ANKIB1: variants seen among roughly 807,000 people sequenced by gnomAD.
ANKIB1 encodes ankyrin repeat and IBR domain containing 1, also known as ankyrin repeat and IBR domain-containing protein 1.
A neutral mutation model predicts 122.1 loss-of-function variants in ANKIB1; 43 were observed. That is an observed-to-expected ratio of 0.35 (90% CI 0.28 to 0.45). The LOEUF (loss-of-function observed/expected upper bound fraction) is 0.45, where lower values mean the gene tolerates loss of function less well. Ranked by LOEUF, ANKIB1 falls within the 20% of genes least tolerant of loss-of-function variation. The pLI is 1.00. For missense variants in ANKIB1, 992 were observed against 1,329.5 expected (o/e 0.75, Z 3.95); for synonymous variants, 390 against 442.0 (o/e 0.88, Z 1.48).
intron 5 of ANKIB1, among the ~76,000 whole-genome samples, chr7:92,338,825 T>C (rs1241917482): frequency 2.8e-5 from 4 of 143,242 alleles, no homozygotes; most frequent in Non-Finnish European, 6.0e-5. Flanking sequence ...GGCAGGAGAA[T>C]TGCTTGAACC....
rs374472099 is a variant in ANKIB1, at chr7:92,386,633, T to G, written c.1742T>G (p.Met581Arg). 3.8e-5 allele frequency: 61 copies of G among 1,601,602 alleles called. No homozygotes were observed. The South Asian group carries it at 6.6e-4, about 17-fold the overall frequency. ...IQHVEEQSKE[M>R]TVEAEKKHKR... Reference sequence around the variant, plus strand: ...CACGTGGAGGAGCAATCCAAGGAAATGACTGTGGAGGTAAAGAGAACCAAT... The same window carrying G: ...CACGTGGAGGAGCAATCCAAGGAAAGGACTGTGGAGGTAAAGAGAACCAAT... The change falls in exon 12 of 20, where the codon ATG becomes AGG. Residue 581 changes from methionine (M) to arginine (R), a missense_variant. Met to Arg is a moderately conservative substitution (Grantham distance 91). Coordinates refer to ENST00000265742, the MANE Select transcript of ANKIB1 (RefSeq NM_019004.2).
intron 1 of ANKIB1, among the ~76,000 whole-genome samples, chr7:92,290,900 G>A (rs1802231607): frequency 6.6e-6 from 1 of 152,102 alleles, no homozygotes; most frequent in African/African-American, 2.4e-5. Flanking sequence ...AGGGGAACTG[G>A]GGATGGTTGA....
intron 1 of ANKIB1, among the ~76,000 whole-genome samples, chr7:92,269,349 G>GA (rs1172413614): frequency 6.6e-6 from 1 of 152,218 alleles, no homozygotes; most frequent in Admixed American, 6.5e-5. Flanking sequence ...ACTTAAATTA[G>GA]AAAAAACAAG....
chr7:92,282,355 C>G (rs1192200496), intron 1 of ANKIB1, among the ~76,000 whole-genome samples: 1 of 151,980 alleles, frequency 6.6e-6, no homozygotes, highest in Non-Finnish European at 1.5e-5. Context: ...GGGTTTCACC[C>G]TGTTGCCCAG....
rs895962129 is a variant in ANKIB1 at position 92,354,969 on chromosome 7, G to A, written c.1397+2327G>A. 5.3e-5 allele frequency among the ~76,000 whole-genome samples: 8 copies of A among 152,222 alleles called. No homozygotes were observed. The South Asian group carries it at 1.7e-3, about 32-fold the overall frequency. ...GACAATAATAATTTCTTCTTTTCAA[G>A]AACTATATATGACAGAAACAGTTGA... On this transcript the variant is annotated intron_variant, in intron 9 of 19. Transcript: ENST00000265742.
At chr7:92,259,780 AG>A (rs1331407376) in intron 1 of ANKIB1, among the ~76,000 whole-genome samples, 1 of 152,114 alleles carries the variant, frequency 6.6e-6, no homozygotes, top group Admixed American at 6.5e-5. Flanking sequence ...TTCCTCTCTC[AG>A]TAGTGGTAAC....
chr7:92,308,171 A>G (rs966244749), intron 3 of ANKIB1, among the ~76,000 whole-genome samples: 1 of 152,154 alleles, frequency 6.6e-6, no homozygotes, highest in East Asian at 1.9e-4. Flanking sequence ...CGCCCAACCA[A>G]CGGCCTCTTT....
chr7:92,388,512 T>C (rs550295114), intron 14 of ANKIB1, among the ~76,000 whole-genome samples: 1 of 152,190 alleles, frequency 6.6e-6, no homozygotes, highest in Non-Finnish European at 1.5e-5. Flanking sequence ...ATAATGAACA[T>C]TGGGGTCAAA....
At chr7:92,252,863 G>C (rs1019288780) in intron 1 of ANKIB1, among the ~76,000 whole-genome samples, 1 of 151,460 alleles carries the variant, frequency 6.6e-6, no homozygotes, top group Non-Finnish European at 1.5e-5. Flanking sequence ...TCCAGGGCTA[G>C]AGCCCTGGAA....
At chr7:92,311,717 G>GCC (rs565443678) in intron 3 of ANKIB1, among the ~76,000 whole-genome samples, 37 of 146,750 alleles carry the variant, frequency 2.5e-4, no homozygotes, top group African/African-American at 7.0e-4. Flanking sequence ...TGTAATAAGC[G>GCC]CCCCCCCCAC....
chr7:92,246,208 C>G lies in ANKIB1; in HGVS notation c.-402C>G. Reference sequence around the variant, plus strand: ...AGGCGGAGGCAAGAGCCACCGCCCCCTCTTCCCCTCCCCCGAGTGAGGCGG... The same window carrying G: ...AGGCGGAGGCAAGAGCCACCGCCCCGTCTTCCCCTCCCCCGAGTGAGGCGG... On this transcript the variant is annotated 5_prime_UTR_variant, in exon 1 of 20. Transcript: ENST00000265742. 1 of 371,940 alleles carries G rather than the reference C, an allele frequency of 2.7e-6. No individual in the cohort carries two copies. Among genetic ancestry groups the G allele is most frequent in the South Asian group, 1.9e-5 (1 of 53,892 alleles). 23.0% of individuals were successfully genotyped at this position (371,940 alleles called of 1,614,324 possible).
At chr7:92,353,868 A>T (rs1273211983) in intron 9 of ANKIB1, among the ~76,000 whole-genome samples, 1 of 152,242 alleles carries the variant, frequency 6.6e-6, no homozygotes, top group Non-Finnish European at 1.5e-5. Flanking sequence ...GGCCCACAAA[A>T]CTGGAATCCT....
chr7:92,330,841 CA>C (rs1188379188), intron 5 of ANKIB1, among the ~76,000 whole-genome samples: 1 of 151,342 alleles, frequency 6.6e-6, no homozygotes, highest in Non-Finnish European at 1.5e-5. Flanking sequence ...GACTCTGTCT[CA>C]AAACAAAAAC....
intron 1 of ANKIB1, among the ~76,000 whole-genome samples, 164 bp downstream of exon 1, chr7:92,246,683 C>A (rs948033842): frequency 6.6e-6 from 1 of 152,234 alleles, no homozygotes; most frequent in Non-Finnish European, 1.5e-5. Flanking sequence ...CCTGAACAGG[C>A]AGCATTCTCT....
At chr7:92,362,613 A>G (rs1168258184) in intron 10 of ANKIB1, among the ~76,000 whole-genome samples, 2 of 152,176 alleles carry the variant, frequency 1.3e-5, no homozygotes, top group Non-Finnish European at 2.9e-5. Flanking sequence ...GAAGTAGTAT[A>G]TGATCTGTAA....
chr7:92,296,490 G>A (rs965194864), intron 2 of ANKIB1, among the ~76,000 whole-genome samples: 1 of 152,020 alleles, frequency 6.6e-6, no homozygotes, highest in Non-Finnish European at 1.5e-5. Flanking sequence ...CTCCCAAAGG[G>A]TCTTTTTTAT....
chr7:92,289,754 A>G (rs940551202), intron 1 of ANKIB1, among the ~76,000 whole-genome samples: 2 of 152,174 alleles, frequency 1.3e-5, no homozygotes, highest in African/African-American at 4.8e-5. Context: ...AGAGCTTAGT[A>G]TTTTATTTGC....
chr7:92,390,164 A>G, intron 15 of ANKIB1, 48 bp downstream of exon 15: 1 of 1,382,236 alleles, frequency 7.2e-7, no homozygotes, highest in Non-Finnish European at 9.6e-7. Flanking sequence ...ATTATGAAAT[A>G]CAGAATTTTT....
intron 11 of ANKIB1, among the ~76,000 whole-genome samples, chr7:92,380,258 G>C (rs562707282): frequency 6.6e-6 from 1 of 152,310 alleles, no homozygotes; most frequent in South Asian, 2.1e-4. Flanking sequence ...GCCCACCACA[G>C]CTCAACAAGG....
Sources: allele counts gnomAD v4.1 joint callset (sites outside exome capture counted in the v4.1 genomes callset), GRCh38; gene constraint gnomAD v4.1.1; transcripts MANE v1.5; gene names NCBI Gene and HGNC (gene_info 2026-07-23, HGNC 2026-07-21).